PDE2A: variants seen among roughly 807,000 people sequenced by gnomAD.
PDE2A encodes cGMP-dependent 3',5'-cyclic phosphodiesterase.
Under a neutral mutation model 133.6 loss-of-function variants are expected in PDE2A, and 53 were observed. The ratio of observed to expected loss-of-function variants is 0.40; its 90% confidence interval spans 0.32 to 0.50. The LOEUF is 0.50. Ranked by LOEUF, PDE2A falls within the 20% of genes least tolerant of loss-of-function variation. The pLI is 0.73. For synonymous variants in PDE2A, 491 were observed against 490.2 expected, an observed-to-expected ratio of 1.00 and a Z score of -0.02; for missense variants, 796 against 1,232.4, an observed-to-expected ratio of 0.65 and a Z score of 5.30.
Position 72,585,448 on chromosome 11 carries a change from A to AAGACCAGGCAGGGTG in PDE2A, c.1223-29_1223-15dup, listed in dbSNP as rs1407618360. 6.2e-7 allele frequency: 1 copy of AAGACCAGGCAGGGTG among 1,613,784 alleles called. No individual in the cohort carries two copies. The highest frequency in any genetic ancestry group is 8.5e-7 in the Non-Finnish European group (1 of 1,179,868). ...CAGAGACGTCATCTGGGGAAGGGAG[A>AAGACCAGGCAGGGTG]AGACCAGGCAGGGTGAGACCAGGCT... is the stretch of plus-strand genomic sequence containing the variant. On this transcript the variant is annotated splice_polypyrimidine_tract_variant and intron_variant, in intron 15 of 30. Transcript: ENST00000334456.
At chr11:72,636,627 C>A (rs1041235404) in intron 2 of PDE2A, among the ~76,000 whole-genome samples, 2 of 152,164 alleles carry the variant, frequency 1.3e-5, no homozygotes, top group Non-Finnish European at 2.9e-5. Flanking sequence ...AGAGACTGCA[C>A]AAAACCCATC....
chr11:72,590,654 T>C lies in PDE2A; in HGVS notation c.550-74A>G. ...GCTTGCTGCAGCGGGATTCCTGCCT[T>C]TGCTCCCGCCGTTCCCTCTGCCTGC... On this transcript the variant is annotated intron_variant, in intron 7 of 30. Coordinates refer to ENST00000334456, the MANE Select transcript of PDE2A (RefSeq NM_002599.5). The surrounding 1 kb of genome is among the most constrained non-coding windows in gnomAD (Gnocchi z 4.8). 1 of 1,281,602 alleles carries C rather than the reference T, an allele frequency of 7.8e-7. No homozygotes were observed. Among genetic ancestry groups the C allele is most frequent in the Non-Finnish European group, 1.0e-6 (1 of 1,002,992 alleles). The allele number at this position is 1,281,602 out of a possible 1,614,324, so 79.4% of individuals were successfully genotyped here.
intron 2 of PDE2A, among the ~76,000 whole-genome samples, chr11:72,616,326 T>A (rs1407179773): frequency 6.6e-6 from 1 of 152,174 alleles, no homozygotes; most frequent in Non-Finnish European, 1.5e-5. Context: ...CTGCCCCCCT[T>A]TCCCCCACCA....
Position 72,590,608 on chromosome 11 carries a change from C to T in PDE2A, c.550-28G>A. On this transcript the variant is annotated intron_variant, in intron 7 of 30. Transcript: ENST00000334456. The surrounding 1 kb of genome is among the most constrained non-coding windows in gnomAD (Gnocchi z 4.8). ...GGGGCAGGCCGAGCGGTTAGCGCGC[C>T]GCTCGCCCCAAGCTCGCTGCGCTTG... is the stretch of plus-strand genomic sequence containing the variant. 7.4e-7 allele frequency: 1 copy of T among 1,346,774 alleles called. No individual in the cohort carries two copies. The highest frequency in any genetic ancestry group is 1.9e-5 in the South Asian group (1 of 53,070). 83.4% of individuals were successfully genotyped at this position (1,346,774 alleles called of 1,614,324 possible). A position where few individuals can be genotyped will look rare whatever the true frequency, so the allele number is the denominator to read the frequency against.
intron 30 of PDE2A, 115 bp from the exon 31 acceptor site, chr11:72,577,709 A>C: frequency 8.3e-5 from 61 of 733,018 alleles, no homozygotes; most frequent in Non-Finnish European, 1.4e-4. Context: ...ACGGTAGCTC[A>C]CGCCTGTAAT....
At chr11:72,641,752 G>A (rs1858962275) in intron 2 of PDE2A, among the ~76,000 whole-genome samples, 2 of 152,214 alleles carry the variant, frequency 1.3e-5, no homozygotes, top group Admixed American at 6.5e-5. Context: ...CCAGGCTGAG[G>A]ACTGAAGTCC....
intron 1 of PDE2A, chr11:72,668,211 C>T (rs1855292899): frequency 2.8e-6 from 2 of 714,846 alleles, no homozygotes; most frequent in Admixed American, 4.0e-5. Flanking sequence ...TGCCTGTCTG[C>T]CATCTGGAAC....
intron 4 of PDE2A, among the ~76,000 whole-genome samples, chr11:72,600,932 A>G (rs935429668): frequency 6.6e-6 from 1 of 151,730 alleles, no homozygotes; most frequent in Non-Finnish European, 1.5e-5. Context: ...AAAAGAATCG[A>G]GGGAAAGGTT....
intron 1 of PDE2A, among the ~76,000 whole-genome samples, chr11:72,648,022 C>T (rs1859175866): frequency 6.6e-6 from 1 of 152,154 alleles, no homozygotes; most frequent in South Asian, 2.1e-4. Context: ...TATATGTGTG[C>T]AGTGGTGTGT....
At chr11:72,669,511 T>C (rs1855335893) in intron 1 of PDE2A, among the ~76,000 whole-genome samples, 1 of 152,020 alleles carries the variant, frequency 6.6e-6, no homozygotes, top group African/African-American at 2.4e-5. Context: ...TGTGAAAACA[T>C]TTCTGTTACT....
intron 2 of PDE2A, among the ~76,000 whole-genome samples, chr11:72,612,413 C>A (rs1402108441): frequency 1.3e-5 from 2 of 151,768 alleles, no homozygotes; most frequent in Non-Finnish European, 2.9e-5. Context: ...AGCATAAAAA[C>A]CAGGCAATTT....
intron 12 of PDE2A, 56 bp downstream of exon 12, chr11:72,589,118 AG>A: frequency 6.8e-7 from 1 of 1,472,378 alleles, no homozygotes; most frequent in Non-Finnish European, 9.5e-7. Context: ...CCCTGGCTCT[AG>A]GGGCTGGCAG....
intron 2 of PDE2A, among the ~76,000 whole-genome samples, chr11:72,626,834 G>A (rs1415133567): frequency 6.6e-6 from 1 of 152,194 alleles, no homozygotes; most frequent in African/African-American, 2.4e-5. Flanking sequence ...GCACTCATGG[G>A]CAGAGTGTTT....
chr11:72,674,157 C>A lies in PDE2A; in HGVS notation c.51G>T (p.Pro17=), dbSNP rs755932090. 6.2e-7 allele frequency: 1 copy of A among 1,613,200 alleles called. No homozygotes were observed. Among genetic ancestry groups the A allele is most frequent in the Admixed American group, 1.7e-5 (1 of 60,010 alleles). ...CTCACGGCTCAGCCGGTCGCGCTGC[C>A]GGGTACTGCTGGCTCCTGCAGAGGA... The part of the protein sequence containing the change: ...HSILCRSQQY[P]AARPAEPRGQ... The change falls in exon 1 of 31, where the codon CCG becomes CCT. Residue 17 remains proline (P), a synonymous_variant. Transcript: ENST00000334456.
intron 6 of PDE2A, among the ~76,000 whole-genome samples, chr11:72,593,821 C>A (rs900707210): frequency 1.3e-5 from 2 of 152,276 alleles, no homozygotes; most frequent in Non-Finnish European, 2.9e-5. Flanking sequence ...GGCGTCGCCA[C>A]TGGACCCCAG....
intron 4 of PDE2A, among the ~76,000 whole-genome samples, chr11:72,600,298 AT>A (rs1856682286): frequency 6.6e-6 from 1 of 152,172 alleles, no homozygotes; most frequent in African/African-American, 2.4e-5. Context: ...TGAGGGTCCT[AT>A]CATCTTAGTG....
chr11:72,579,254 G>T (rs2135268722), intron 27 of PDE2A, 30 bp downstream of exon 27: 3 of 1,526,730 alleles, frequency 2.0e-6, no homozygotes, highest in South Asian at 1.1e-5. Flanking sequence ...TTCCTCCCCA[G>T]CCCCAAGGAC....
intron 4 of PDE2A, among the ~76,000 whole-genome samples, chr11:72,598,056 C>T (rs556228673): frequency 6.6e-6 from 1 of 152,322 alleles, no homozygotes; most frequent in East Asian, 1.9e-4. Context: ...GCTTTTAGTG[C>T]TAAGCACAGG....
At chr11:72,607,346 G>T (rs1227602133) in intron 3 of PDE2A, among the ~76,000 whole-genome samples, 2 of 152,102 alleles carry the variant, frequency 1.3e-5, no homozygotes, top group African/African-American at 4.8e-5. Flanking sequence ...AGCCTCAGTG[G>T]CCACAGAGGC....
Sources: gnomAD v4.1 joint callset for allele counts (sites outside exome capture counted in the v4.1 genomes callset) on GRCh38, gnomAD v4.1.1 for gene constraint, Gnocchi (gnomAD v3.1) non-coding constraint, MANE v1.5 for transcripts, NCBI Gene and HGNC (gene_info 2026-07-23, HGNC 2026-07-21) for gene names.